UBA6: variants seen among roughly 807,000 people sequenced by gnomAD.
UBA6 encodes the protein ubiquitin-like modifier-activating enzyme 6.
A neutral mutation model predicts 148.3 loss-of-function variants in UBA6; 87 were observed. That is an observed-to-expected ratio of 0.59 (90% CI 0.49 to 0.70). The LOEUF is 0.70. Among genes scored for constraint, UBA6 ranks in the 30% least tolerant of loss-of-function variants. The pLI is 0.00. For synonymous variants in UBA6, 376 were observed against 401.0 expected, an observed-to-expected ratio of 0.94 and a Z score of 0.75; for missense variants, 1,186 against 1,241.2, an observed-to-expected ratio of 0.96 and a Z score of 0.67.
At chr4:67,633,236 A>G in intron 23 of UBA6, 109 bp downstream of exon 23, 1 of 995,744 alleles carries the variant, frequency 1.0e-6, no homozygotes, top group South Asian at 2.5e-5. Context: ...AATTTCTGAA[A>G]AGCTTGCCAA....
intron 25 of UBA6, among the ~76,000 whole-genome samples, chr4:67,631,041 T>G (rs1728984996): frequency 6.6e-6 from 1 of 152,014 alleles, no homozygotes; most frequent in Non-Finnish European, 1.5e-5. Flanking sequence ...GGAAGGTTAG[T>G]GAATGCAAGC....
At chr4:67,696,472 T>A (rs1050407058) in intron 2 of UBA6, among the ~76,000 whole-genome samples, 173 bp downstream of exon 2, 1 of 150,922 alleles carries the variant, frequency 6.6e-6, no homozygotes, top group African/African-American at 2.4e-5. Context: ...TATACATATA[T>A]ACACATATAT....
chr4:67,685,219 T>C (rs749054564), intron 2 of UBA6, among the ~76,000 whole-genome samples: 2 of 152,204 alleles, frequency 1.3e-5, no homozygotes, highest in African/African-American at 2.4e-5. Flanking sequence ...AACACGTGTA[T>C]ACTTTTATTT....
At chr4:67,676,700 G>C (rs1203105777) in intron 6 of UBA6, among the ~76,000 whole-genome samples, 2 of 152,174 alleles carry the variant, frequency 1.3e-5, no homozygotes. Context: ...ACAGATAACA[G>C]TTCACTAGTC....
intron 2 of UBA6, among the ~76,000 whole-genome samples, chr4:67,683,438 C>T (rs1186465183): frequency 6.6e-6 from 1 of 152,144 alleles, no homozygotes; most frequent in Non-Finnish European, 1.5e-5. Context: ...TCCTGGTACA[C>T]ACTTAAGAGT....
chr4:67,640,285 C>A (rs1399463255), intron 18 of UBA6, among the ~76,000 whole-genome samples: 1 of 152,176 alleles, frequency 6.6e-6, no homozygotes, highest in African/African-American at 2.4e-5. Flanking sequence ...AGCAAATACA[C>A]TTTGCAACAT....
At chr4:67,643,009 T>C (rs1456373794) in intron 17 of UBA6, among the ~76,000 whole-genome samples, 1 of 151,898 alleles carries the variant, frequency 6.6e-6, no homozygotes, top group Non-Finnish European at 1.5e-5. Flanking sequence ...ATACAGAAAT[T>C]CTTATTTGGC....
rs1319100822 is a variant in UBA6 at position 67,614,965 on chromosome 4, G to A, written c.*4032C>T. The A allele has an allele frequency of 6.6e-6, 1 of 152,160 alleles. No homozygotes were observed. The highest frequency in any genetic ancestry group is 1.5e-5 in the Non-Finnish European group (1 of 68,032). The allele number at this position is 152,160 out of a possible 1,614,324, so 9.4% of individuals were successfully genotyped here. A position where few individuals can be genotyped will look rare whatever the true frequency, so the allele number is the denominator to read the frequency against. ...TTATGAAAAAATACTCAACTTCACA[G>A]GTAATAGAGAAATGCAGAGTGACAC... On this transcript the variant is annotated 3_prime_UTR_variant, in exon 33 of 33. Transcript: ENST00000322244.
chr4:67,638,838 C>A, intron 19 of UBA6, 105 bp downstream of exon 19: 1 of 796,224 alleles, frequency 1.3e-6, no homozygotes, highest in Admixed American at 2.4e-5. Flanking sequence ...ACAATAGGAA[C>A]ATAAGGAATA....
At chr4:67,700,618 A>C (rs1359749641) in intron 1 of UBA6, among the ~76,000 whole-genome samples, 1 of 151,888 alleles carries the variant, frequency 6.6e-6, no homozygotes, top group African/African-American at 2.4e-5. Flanking sequence ...CCTTCTGGTA[A>C]TAGTTTTCAA....
In UBA6 at chr4:67,626,388, C is replaced by T. The variant is rs755501650; in HGVS notation, c.2490G>A (p.Lys830=). 1.9e-6 allele frequency: 3 copies of T among 1,610,736 alleles called. No homozygotes were observed. The East Asian group carries it at 6.7e-5, about 36-fold the overall frequency. The change falls in exon 28 of 33, where the codon AAG becomes AAA. Residue 830 remains lysine, a synonymous_variant. Transcript: ENST00000322244. The stretch of plus-strand genomic sequence containing the variant: ...TGGTGGCTTCATTAGATAAAATAGC[C>T]TTTTCTAGTTGGAAAATTGCATTCC... The part of the protein sequence containing the change: ...DERNAIFQLE[K]AILSNEATKS...
At chr4:67,668,819 C>A in intron 8 of UBA6, 145 bp from the exon 9 acceptor site, 1 of 684,676 alleles carries the variant, frequency 1.5e-6, no homozygotes, top group Non-Finnish European at 2.4e-6. Flanking sequence ...TAAAAGCAAG[C>A]CTTTAAAAAG....
intron 9 of UBA6, among the ~76,000 whole-genome samples, chr4:67,666,597 G>A (rs1303248949): frequency 1.3e-5 from 2 of 152,032 alleles, no homozygotes; most frequent in African/African-American, 2.4e-5. Flanking sequence ...CTGGTCATGA[G>A]GTTTTTTTAT....
intron 2 of UBA6, among the ~76,000 whole-genome samples, chr4:67,694,463 C>T (rs1287989358): frequency 6.6e-6 from 1 of 151,412 alleles, no homozygotes; most frequent in Non-Finnish European, 1.5e-5. Flanking sequence ...GCCATCTCAG[C>T]TCACTGCAAG....
At position 67,629,290 on chromosome 4, in the gene UBA6, T is replaced by C. The variant is rs879226992; in HGVS notation, c.2329-148A>G. 6.7e-6 allele frequency: 4 copies of C among 592,616 alleles called. No individual in the cohort carries two copies. In the South Asian group the frequency reaches 8.3e-5, roughly 12 times the overall value. The allele number at this position is 592,616 out of a possible 1,614,324, so 36.7% of individuals were successfully genotyped here. ...GACATCCATTTGAGACATTTATCTT[T>C]ATTTCTATAAAAATATCCCCCCATA... is the stretch of plus-strand genomic sequence containing the variant. On this transcript the variant is annotated intron_variant, in intron 26 of 32. Transcript: ENST00000322244.
chr4:67,686,134 T>A (rs756297299), intron 2 of UBA6, among the ~76,000 whole-genome samples: 15 of 152,186 alleles, frequency 9.9e-5, no homozygotes, highest in Non-Finnish European at 2.1e-4. Context: ...GAAATCCCTA[T>A]CGATTAAAAA....
rs770140634 is a variant in UBA6 at position 67,630,490 on chromosome 4, T to C, written c.2304A>G (p.Val768=). ...CCTCTTCTGCAAATGGAATACAATATACTGTAGCATATAGTTTTGCAGCAT... is the reference window on the plus strand; with the variant it reads ...CCTCTTCTGCAAATGGAATACAATACACTGTAGCATATAGTTTTGCAGCAT... ...LQNAAKLYAT[V]YCIPFAEEDL... Residue 768 remains valine (V), a synonymous_variant, in exon 26 of 33, where the codon GTA becomes GTG. Coordinates refer to ENST00000322244, the MANE Select transcript of UBA6 (RefSeq NM_018227.6). 5.0e-6 allele frequency: 8 copies of C among 1,588,854 alleles called. No homozygotes were observed. The African/African-American group carries it at 1.1e-4, about 21-fold the overall frequency.
intron 17 of UBA6, among the ~76,000 whole-genome samples, chr4:67,643,142 A>C (rs923144567): frequency 5.3e-5 from 8 of 151,768 alleles, no homozygotes; most frequent in Non-Finnish European, 1.2e-4. Flanking sequence ...GCATGGCACA[A>C]GTATATATAT....
At chr4:67,629,340 AGG>A (rs1301777687) in intron 26 of UBA6, among the ~76,000 whole-genome samples, 198 bp from the exon 27 acceptor site, 2 of 151,854 alleles carry the variant, frequency 1.3e-5, no homozygotes, top group African/African-American at 4.8e-5. Flanking sequence ...GGAGAAGGTA[AGG>A]GGTAAAAAAG....
Sources: allele counts gnomAD v4.1 joint callset (sites outside exome capture counted in the v4.1 genomes callset), GRCh38; gene constraint gnomAD v4.1.1; transcripts MANE v1.5; gene names NCBI Gene and HGNC (gene_info 2026-07-23, HGNC 2026-07-21).